AOAH: variants seen among roughly 807,000 people sequenced by gnomAD.
The protein encoded by AOAH is acyloxyacyl hydrolase, also known as acyloxyacyl hydrolase (neutrophil).
AOAH carries 64 observed loss-of-function variants against 92.2 expected under a neutral mutation model. The observed-to-expected ratio is 0.69, with a 90% CI of 0.57 to 0.86. AOAH has a LOEUF of 0.86. AOAH is among the 40% of genes least tolerant of loss of function. The pLI is 0.00. For missense variants in AOAH, 656 were observed against 694.6 expected, an observed-to-expected ratio of 0.94 and a Z score of 0.62; for synonymous variants, 263 against 254.5, an observed-to-expected ratio of 1.03 and a Z score of -0.32.
intron 13 of AOAH, among the ~76,000 whole-genome samples, chr7:36,554,652 T>G (rs1430721025): frequency 2.0e-5 from 3 of 151,860 alleles, no homozygotes; most frequent in African/African-American, 7.3e-5. Context: ...TATCCTCTTT[T>G]ATTTCATTGA....
intron 6 of AOAH, among the ~76,000 whole-genome samples, chr7:36,625,156 T>A (rs1792559261): frequency 6.6e-6 from 1 of 152,088 alleles, no homozygotes; most frequent in Admixed American, 6.5e-5. Context: ...CCTACATTCC[T>A]GCCCTGGGGG....
rs201752923 is a variant in AOAH, at chr7:36,674,054, G to A, written c.224-45C>T. ...AAATTGAATATATTTTTATTGCGAC[G>A]AATTTAACACACCTTAATAATGATT... On this transcript the variant is annotated intron_variant, in intron 2 of 20. Transcript: ENST00000617537. 51 of 1,100,986 alleles carry A rather than the reference G, an allele frequency of 4.6e-5. No homozygotes were observed. The Middle Eastern group carries it at 8.3e-4, about 18-fold the overall frequency. 68.2% of individuals were successfully genotyped at this position (1,100,986 alleles called of 1,614,324 possible). A position where few individuals can be genotyped will look rare whatever the true frequency, so the allele number is the denominator to read the frequency against.
chr7:36,621,950 G>C (rs1057487299), intron 7 of AOAH, among the ~76,000 whole-genome samples, 170 bp from the exon 8 acceptor site: 47 of 152,130 alleles, frequency 3.1e-4, no homozygotes, highest in African/African-American at 1.0e-3. Context: ...GATAAGACAT[G>C]CTGCGTGAGT....
intron 5 of AOAH, among the ~76,000 whole-genome samples, chr7:36,634,026 G>A (rs73687578): frequency 0.029 from 4,385 of 152,214 alleles, 205 homozygotes; most frequent in African/African-American, 0.1. Flanking sequence ...ATATTGCCAC[G>A]AGTTGGGAAG....
chr7:36,619,614 A>G (rs2116033834), intron 9 of AOAH, among the ~76,000 whole-genome samples: 1 of 152,264 alleles, frequency 6.6e-6, no homozygotes, highest in East Asian at 1.9e-4. Flanking sequence ...GAAAAGTCAG[A>G]GTGACTAGCG....
At chr7:36,635,597 T>C (rs908638297) in intron 5 of AOAH, among the ~76,000 whole-genome samples, 1 of 152,194 alleles carries the variant, frequency 6.6e-6, no homozygotes, top group African/African-American at 2.4e-5. Flanking sequence ...ATCAGGGCTG[T>C]CATTTGTAAC....
rs534951936 is a variant in AOAH at position 36,662,401 on chromosome 7, T to G, written c.291-3136A>C. On this transcript the variant is annotated intron_variant, in intron 3 of 20. Coordinates refer to ENST00000617537, the MANE Select transcript of AOAH (RefSeq NM_001637.4). ...CAGGGGGTAAGACTGCAACTAAAAG[T>G]ATCAAAGACGCCATCCCTTTTAAGC... is the stretch of plus-strand genomic sequence containing the variant. 5.3e-5 allele frequency among the ~76,000 whole-genome samples: 8 copies of G among 152,340 alleles called. No individual in the cohort carries two copies. In the South Asian group the frequency reaches 1.7e-3, roughly 32 times the overall value.
chr7:36,626,953 A>G (rs1792707339), intron 6 of AOAH, among the ~76,000 whole-genome samples: 1 of 152,202 alleles, frequency 6.6e-6, no homozygotes, highest in African/African-American at 2.4e-5. Context: ...TGTTGACTTT[A>G]CTAAAAATTA....
intron 19 of AOAH, among the ~76,000 whole-genome samples, chr7:36,529,996 C>A (rs1784597206): frequency 6.6e-6 from 1 of 152,218 alleles, no homozygotes; most frequent in South Asian, 2.1e-4. Flanking sequence ...GTGTGGGAAT[C>A]TGCACTGCTC....
chr7:36,608,943 C>T (rs779887877), intron 11 of AOAH, among the ~76,000 whole-genome samples: 2 of 150,922 alleles, frequency 1.3e-5, no homozygotes, highest in African/African-American at 2.5e-5. Context: ...AGACAAAAAG[C>T]ACCAGAAGTT....
At chr7:36,681,694 G>A (rs533103017) in intron 2 of AOAH, among the ~76,000 whole-genome samples, 16 of 152,164 alleles carry the variant, frequency 1.1e-4, no homozygotes, top group African/African-American at 3.4e-4. Context: ...CCAGCTACTC[G>A]GGAGGCTGAG....
rs552170534 is a variant in AOAH, at chr7:36,718,685, C to T, written c.127+5337G>A. On this transcript the variant is annotated intron_variant, in intron 1 of 20. Transcript: ENST00000617537. ...GAACCTTGAAAACATTATGCTAAGT[C>T]AAAGAGGCCTGTAGCAAAAGGCCAT... Among the ~76,000 whole-genome samples, 211 of 152,186 alleles carry T rather than the reference C, an allele frequency of 1.4e-3. 1 individual carries two copies. The highest frequency in any genetic ancestry group is 5.0e-3 in the African/African-American group (209 of 41,504).
intron 12 of AOAH, among the ~76,000 whole-genome samples, chr7:36,583,272 T>C (rs1253797039): frequency 6.6e-6 from 1 of 152,180 alleles, no homozygotes; most frequent in Non-Finnish European, 1.5e-5. Flanking sequence ...TAGGATAAAC[T>C]TGGGTAACTT....
chr7:36,577,907 A>G (rs1788639640), intron 12 of AOAH, among the ~76,000 whole-genome samples: 1 of 152,236 alleles, frequency 6.6e-6, no homozygotes, highest in African/African-American at 2.4e-5. Context: ...TAAGTGTTAT[A>G]TGAAAGCTTA....
chr7:36,604,387 A>T (rs1790837504), intron 11 of AOAH, among the ~76,000 whole-genome samples: 1 of 152,134 alleles, frequency 6.6e-6, no homozygotes, highest in South Asian at 2.1e-4. Flanking sequence ...TTTGAGGCTG[A>T]GCCGGTGCTT....
At chr7:36,703,499 C>G (rs1798164428) in intron 1 of AOAH, among the ~76,000 whole-genome samples, 1 of 152,120 alleles carries the variant, frequency 6.6e-6, no homozygotes. Context: ...CACCCATCAA[C>G]CCGTCATCTA....
chr7:36,561,716 A>C (rs990197294), intron 13 of AOAH, among the ~76,000 whole-genome samples: 4 of 152,222 alleles, frequency 2.6e-5, no homozygotes, highest in African/African-American at 9.6e-5. Context: ...AGCTCAAGCC[A>C]TAAGTGGGGA....
At chr7:36,575,298 C>T (rs1026066589) in intron 13 of AOAH, among the ~76,000 whole-genome samples, 1 of 152,194 alleles carries the variant, frequency 6.6e-6, no homozygotes, top group East Asian at 1.9e-4. Flanking sequence ...TGGAGTGAGA[C>T]AACGTGGGTA....
intron 5 of AOAH, among the ~76,000 whole-genome samples, chr7:36,632,316 C>T (rs183827109): frequency 2.0e-5 from 3 of 152,288 alleles, no homozygotes; most frequent in East Asian, 1.9e-4. Context: ...CTCCTCAGCC[C>T]GAAGCCTTCC....
Sources: gnomAD v4.1 joint callset for allele counts (sites outside exome capture counted in the v4.1 genomes callset) on GRCh38, gnomAD v4.1.1 for gene constraint, MANE v1.5 for transcripts, NCBI Gene and HGNC (gene_info 2026-07-23, HGNC 2026-07-21) for gene names.